ITSN2: variants seen among roughly 807,000 people sequenced by gnomAD.
ITSN2 encodes the protein intersectin 2.
ITSN2 carries 156 observed loss-of-function variants against 243.7 expected under a neutral mutation model. The ratio of observed to expected loss-of-function variants is 0.64; its 90% confidence interval spans 0.56 to 0.73. The LOEUF is 0.73. Ranked by LOEUF, ITSN2 falls within the 30% of genes least tolerant of loss-of-function variation. The pLI, the probability that ITSN2 is intolerant of heterozygous loss-of-function variation, is 0.00. For missense variants in ITSN2, 1,801 were observed against 1,996.1 expected, an observed-to-expected ratio of 0.90 and a Z score of 1.86; for synonymous variants, 703 against 699.9, an observed-to-expected ratio of 1.00 and a Z score of -0.07.
intron 2 of ITSN2, among the ~76,000 whole-genome samples, chr2:24,327,317 A>T (rs916198570): frequency 2.0e-5 from 3 of 150,930 alleles, no homozygotes; most frequent in African/African-American, 4.9e-5. Context: ...TTTTTTTTTT[A>T]AATGGAGTCT....
chr2:24,274,652 A>G (rs1331132463), intron 18 of ITSN2, among the ~76,000 whole-genome samples: 2 of 152,314 alleles, frequency 1.3e-5, no homozygotes, highest in African/African-American at 4.8e-5. Flanking sequence ...TATTAGAATT[A>G]TGAGGAGTAA....
chr2:24,216,303 G>T, intron 31 of ITSN2, 71 bp from the exon 32 acceptor site: 1 of 1,240,058 alleles, frequency 8.1e-7, no homozygotes, highest in Non-Finnish European at 1.1e-6. Flanking sequence ...GAATCCCATG[G>T]CAGACCAATG....
At chr2:24,273,522 C>T (rs1677637049) in intron 18 of ITSN2, 1 of 152,100 alleles carries the variant, frequency 6.6e-6, no homozygotes, top group Non-Finnish European at 1.5e-5. Context: ...AACAAAAAAA[C>T]CAGAGGGCTC....
chr2:24,219,556 G>T (rs148676481), intron 30 of ITSN2, among the ~76,000 whole-genome samples: 1 of 152,178 alleles, frequency 6.6e-6, no homozygotes, highest in Non-Finnish European at 1.5e-5. Flanking sequence ...GCTTTGTGCC[G>T]GGCTTGGTGA....
At chr2:24,218,661 GTAT>G (rs1434117911) in intron 30 of ITSN2, among the ~76,000 whole-genome samples, 1 of 152,140 alleles carries the variant, frequency 6.6e-6, no homozygotes, top group East Asian at 1.9e-4. Context: ...GCTGAGTCAG[GTAT>G]TATTATTACC....
intron 39 of ITSN2, 88 bp from the exon 40 acceptor site, chr2:24,203,871 C>A (rs1010257044): frequency 7.8e-5 from 108 of 1,383,658 alleles, no homozygotes; most frequent in Non-Finnish European, 1.0e-4. Flanking sequence ...ATTCATAAAA[C>A]CTTCAAATCT....
chr2:24,299,468 C>G (rs1681452792), intron 12 of ITSN2, among the ~76,000 whole-genome samples: 1 of 152,148 alleles, frequency 6.6e-6, no homozygotes, highest in African/African-American at 2.4e-5. Flanking sequence ...CAACACTATC[C>G]CAAAGGCCTG....
At chr2:24,307,564 T>A (rs909785180) in intron 8 of ITSN2, among the ~76,000 whole-genome samples, 29 of 152,232 alleles carry the variant, frequency 1.9e-4, no homozygotes, top group South Asian at 4.1e-4. Context: ...CCTTGACTTA[T>A]CCCCATGCTT....
Position 24,275,852 on chromosome 2 carries a change from A to G in ITSN2, c.1945-3T>C. 1 of 1,586,120 alleles carries G rather than the reference A, an allele frequency of 6.3e-7. No homozygotes were observed. Among genetic ancestry groups the G allele is most frequent in the Non-Finnish European group, 8.6e-7 (1 of 1,167,422 alleles). On this transcript the variant is annotated splice_polypyrimidine_tract_variant and splice_region_variant and intron_variant, in intron 17 of 39. Coordinates refer to ENST00000355123, the MANE Select transcript of ITSN2 (RefSeq NM_006277.3). Reference sequence around the variant, plus strand: ...GTGTTGTAGGTTTCTCTCAGTTCCTAAGGAGAAAAAGAAAATAAGTCAATA... The same window carrying G: ...GTGTTGTAGGTTTCTCTCAGTTCCTGAGGAGAAAAAGAAAATAAGTCAATA...
In ITSN2 at chr2:24,276,564, T is replaced by A. The variant is rs141861559; in HGVS notation, c.1945-715A>T. Among the ~76,000 whole-genome samples, 30 of 152,340 alleles carry A rather than the reference T, an allele frequency of 2.0e-4. No homozygotes were observed. The East Asian group carries it at 4.8e-3, about 24-fold the overall frequency. ...AGGTAAATTCCTTAGCAGGAACTTG[T>A]GATTATCTGTTCAGCATTTTCTCTT... is the stretch of plus-strand genomic sequence containing the variant. On this transcript the variant is annotated intron_variant, in intron 17 of 39. Transcript: ENST00000355123.
chr2:24,219,631 G>T (rs142110160), intron 30 of ITSN2, among the ~76,000 whole-genome samples: 18 of 152,174 alleles, frequency 1.2e-4, no homozygotes, highest in Admixed American at 1.2e-3. Flanking sequence ...TCATAAGAAG[G>T]CCTCACCTGT....
At chr2:24,220,279 G>A (rs2151143663) in intron 30 of ITSN2, 1 of 973,396 alleles carries the variant, frequency 1.0e-6, no homozygotes, top group Non-Finnish European at 1.2e-6. Flanking sequence ...TCACCTGAGG[G>A]CCTGTACACT....
chr2:24,326,855 A>G (rs1300009115), intron 2 of ITSN2, among the ~76,000 whole-genome samples: 1 of 152,190 alleles, frequency 6.6e-6, no homozygotes, highest in Non-Finnish European at 1.5e-5. Context: ...TATTTTCGTT[A>G]TTAACAATGT....
Position 24,313,441 on chromosome 2 carries a change from C to A in ITSN2, c.188+19G>T. The A allele has an allele frequency of 3.1e-6, 5 of 1,597,832 alleles. No homozygotes were observed. Among genetic ancestry groups the A allele is most frequent in the Non-Finnish European group, 4.3e-6 (5 of 1,171,324 alleles). On this transcript the variant is annotated intron_variant, in intron 4 of 39. Transcript: ENST00000355123. The stretch of plus-strand genomic sequence containing the variant: ...CAAAATACTATCAGAAAATTAGGTT[C>A]ATCTACAAAACACTTTACCATATTT...
intron 1 of ITSN2, among the ~76,000 whole-genome samples, chr2:24,348,514 T>C (rs944267248): frequency 6.6e-6 from 1 of 152,124 alleles, no homozygotes; most frequent in African/African-American, 2.4e-5. Context: ...TTCAGTCTAT[T>C]ATAAACAATA....
In ITSN2 at chr2:24,310,655, T is replaced by C; in HGVS notation, c.390A>G (p.Pro130=). Reference sequence around the variant, plus strand: ...ATGTTATAGGTGCAGCTGGAGGCAATGGCTGAGGAATGGACAGATTGGGCA... The same window carrying C: ...ATGTTATAGGTGCAGCTGGAGGCAACGGCTGAGGAATGGACAGATTGGGCA... ...GSMPNLSIPQ[P]LPPAAPITSL... The change falls in exon 6 of 40, where the codon CCA becomes CCG. Residue 130 remains proline (P), a synonymous_variant. Transcript: ENST00000355123. 2 of 1,614,072 alleles carry C rather than the reference T, an allele frequency of 1.2e-6. No homozygotes were observed. Among genetic ancestry groups the C allele is most frequent in the Non-Finnish European group, 1.7e-6 (2 of 1,180,012 alleles).
At chr2:24,210,232 T>C (rs1669332500) in intron 34 of ITSN2, 199 bp from the exon 35 acceptor site, 1 of 569,818 alleles carries the variant, frequency 1.8e-6, no homozygotes. Flanking sequence ...AAATCATTAC[T>C]TCTAGCCACA....
chr2:24,303,289 G>A lies in ITSN2; in HGVS notation c.857+510C>T, dbSNP rs538722396. ...GTGTTATTGCCCCGAACACCTTCCA[G>A]TGAGACAAGATGTGGAGGTAGAAGA... is the stretch of plus-strand genomic sequence containing the variant. On this transcript the variant is annotated intron_variant, in intron 9 of 39. Transcript: ENST00000355123. Among the ~76,000 whole-genome samples, 27 of 152,298 alleles carry A rather than the reference G, an allele frequency of 1.8e-4. No individual in the cohort carries two copies. In the East Asian group the frequency reaches 3.5e-3, roughly 20 times the overall value.
At chr2:24,310,993 GAATAC>G (rs1683194125) in intron 5 of ITSN2, among the ~76,000 whole-genome samples, 1 of 151,922 alleles carries the variant, frequency 6.6e-6, no homozygotes, top group Admixed American at 6.6e-5. Flanking sequence ...CTCAAGGAAA[GAATAC>G]ATTACCAGAT....
Sources: allele counts gnomAD v4.1 joint callset (sites outside exome capture counted in the v4.1 genomes callset), GRCh38; gene constraint gnomAD v4.1.1; transcripts MANE v1.5; gene names NCBI Gene and HGNC (gene_info 2026-07-23, HGNC 2026-07-21).